The following MCF2L variants were observed in gnomAD, a reference collection of about 807,000 sequenced individuals.
MCF2L encodes the protein guanine nucleotide exchange factor DBS.
Under a neutral mutation model 153.4 loss-of-function variants are expected in MCF2L, and 97 were observed. That is an observed-to-expected ratio of 0.63 (90% confidence interval 0.54 to 0.75). The LOEUF (loss-of-function observed/expected upper bound fraction) is 0.75, where lower values mean the gene tolerates loss of function less well. MCF2L is among the 30% of genes least tolerant of loss of function. MCF2L has a pLI of 0.00. For synonymous variants in MCF2L, 659 were observed against 632.2 expected, an observed-to-expected ratio of 1.04 and a Z score of -0.64; for missense variants, 1,347 against 1,495.2, an observed-to-expected ratio of 0.90 and a Z score of 1.64.
At position 113,098,587 on chromosome 13, in the gene MCF2L, A is replaced by G. The variant is rs2181541; in HGVS notation, c.*1728A>G. ...CTGTCAAGACACAGAACGTCTCAGC[A>G]GTCGGGGTTTCCAGGGCCGCAGTGC... On this transcript the variant is annotated 3_prime_UTR_variant, in exon 30 of 30. Coordinates refer to ENST00000535094, the MANE Select transcript of MCF2L (RefSeq NM_001112732.3). The G allele has an allele frequency of 0.99, 151,161 of 152,420 alleles. 74,974 individuals carry two copies. Among genetic ancestry groups the G allele is most frequent in the East Asian group, 1 (5,194 of 5,194 alleles). The allele number at this position is 152,420 out of a possible 1,614,324, so 9.4% of individuals were successfully genotyped here. A position where few individuals can be genotyped will look rare whatever the true frequency, so the allele number is the denominator to read the frequency against.
intron 2 of MCF2L, chr13:112,910,572 T>C (rs1024059701): frequency 6.6e-6 from 1 of 152,266 alleles, no homozygotes; most frequent in African/African-American, 2.4e-5. Context: ...TGTGCAGTTT[T>C]GTAAAAGACT....
At chr13:112,954,273 C>T (rs1407354108) in intron 2 of MCF2L, among the ~76,000 whole-genome samples, 1 of 152,140 alleles carries the variant, frequency 6.6e-6, no homozygotes, top group Non-Finnish European at 1.5e-5. Context: ...CTGTCCTGGG[C>T]TTTCTCAGCT....
chr13:112,999,054 C>A (rs1044957574), intron 1 of MCF2L, among the ~76,000 whole-genome samples: 3 of 152,350 alleles, frequency 2.0e-5, no homozygotes, highest in Non-Finnish European at 4.4e-5. Flanking sequence ...GTTCCGGCCT[C>A]TGATGGGCAT....
At chr13:113,050,881 G>C (rs1001861524) in intron 4 of MCF2L, among the ~76,000 whole-genome samples, 5 of 152,002 alleles carry the variant, frequency 3.3e-5, no homozygotes, top group Admixed American at 6.5e-5. Flanking sequence ...CCAGATGGAG[G>C]GGGGCGAGGA....
At chr13:112,906,375 TG>T (rs1374237912) in intron 2 of MCF2L, among the ~76,000 whole-genome samples, 1 of 152,304 alleles carries the variant, frequency 6.6e-6, no homozygotes, top group African/African-American at 2.4e-5. Flanking sequence ...TGCAGGTGAA[TG>T]GGGAAGGCGT....
chr13:112,905,511 T>C (rs1293190993), intron 2 of MCF2L, among the ~76,000 whole-genome samples: 1 of 152,202 alleles, frequency 6.6e-6, no homozygotes, highest in East Asian at 1.9e-4. Flanking sequence ...GCTTTGAGCA[T>C]AAAGGACAAA....
At chr13:112,963,478 G>T (rs2081857190) in intron 2 of MCF2L, among the ~76,000 whole-genome samples, 1 of 152,142 alleles carries the variant, frequency 6.6e-6, no homozygotes. Context: ...ACTGGGATAG[G>T]CACCAGGTGG....
intron 1 of MCF2L, chr13:113,001,899 GCA>G: frequency 6.3e-7 from 1 of 1,589,302 alleles, no homozygotes; most frequent in Non-Finnish European, 8.5e-7. Context: ...CTCCTGACTC[GCA>G]CTGGGCAGCA....
At chr13:113,014,001 G>A (rs866467005) in intron 1 of MCF2L, among the ~76,000 whole-genome samples, 11 of 147,222 alleles carry the variant, frequency 7.5e-5, no homozygotes, top group South Asian at 2.2e-4. Flanking sequence ...TGCTGGCCCC[G>A]TGCTCCTGGC....
At position 113,099,453 on chromosome 13, in the gene MCF2L, G is replaced by A. The variant is rs927511506; in HGVS notation, c.*2594G>A. 3.9e-5 allele frequency: 6 copies of A among 152,220 alleles called. No homozygotes were observed. Among genetic ancestry groups the A allele is most frequent in the Admixed American group, 1.3e-4 (2 of 15,288 alleles). 9.4% of individuals were successfully genotyped at this position (152,220 alleles called of 1,614,324 possible). ...AACTGGACAGCGTGCACAGAGCCAC[G>A]GGAGGGAGCAGCCACGGCCAGCTCA... On this transcript the variant is annotated 3_prime_UTR_variant, in exon 30 of 30. Coordinates refer to ENST00000535094, the MANE Select transcript of MCF2L (RefSeq NM_001112732.3).
intron 2 of MCF2L, among the ~76,000 whole-genome samples, chr13:112,944,679 G>A (rs2081618163): frequency 6.6e-6 from 1 of 152,000 alleles, no homozygotes; most frequent in Admixed American, 6.6e-5. Flanking sequence ...GTAGAGATGG[G>A]GTTTCACTGT....
At chr13:113,073,877 T>C (rs537524283) in intron 9 of MCF2L, among the ~76,000 whole-genome samples, 15 of 151,742 alleles carry the variant, frequency 9.9e-5, no homozygotes, top group Non-Finnish European at 1.6e-4. Context: ...ATCACGCCAC[T>C]GCACTCCAGC....
chr13:112,909,043 G>GCTGCTCT (rs1325377114), intron 2 of MCF2L, among the ~76,000 whole-genome samples: 8 of 152,194 alleles, frequency 5.3e-5, no homozygotes, highest in African/African-American at 1.9e-4. Context: ...GTTTATCCAT[G>GCTGCTCT]CTGCTCTCGG....
At chr13:113,066,353 C>T (rs1477455576) in intron 8 of MCF2L, among the ~76,000 whole-genome samples, 183 bp downstream of exon 8, 1 of 152,238 alleles carries the variant, frequency 6.6e-6, no homozygotes, top group Non-Finnish European at 1.5e-5. Context: ...CCTGGCTCCT[C>T]CTGCTGAAAT....
At chr13:113,076,180 A>T in intron 12 of MCF2L, 23 bp downstream of exon 12, 1 of 1,593,294 alleles carries the variant, frequency 6.3e-7, no homozygotes, top group South Asian at 1.1e-5. Context: ...CGGGCTCTCC[A>T]TTTGCAGCTT....
chr13:112,962,393 C>T (rs749749514), intron 2 of MCF2L, among the ~76,000 whole-genome samples: 3 of 152,206 alleles, frequency 2.0e-5, no homozygotes, highest in African/African-American at 4.8e-5. Context: ...GCTGTCTCCT[C>T]GGAGGCCTGC....
At chr13:112,964,335 C>G (rs921103470), upstream of MCF2L, among the ~76,000 whole-genome samples, 1 of 152,188 alleles carries the variant, frequency 6.6e-6, no homozygotes, top group Non-Finnish European at 1.5e-5. Flanking sequence ...GTTTTTTAAC[C>G]AAACAAACCC....
At chr13:113,034,970 C>T (rs990517560) in intron 3 of MCF2L, among the ~76,000 whole-genome samples, 5 of 152,170 alleles carry the variant, frequency 3.3e-5, no homozygotes, top group South Asian at 2.1e-4. Flanking sequence ...TCAGGGTGAG[C>T]GCCCTGATAG....
At chr13:112,985,557 C>T (rs997334066) in intron 1 of MCF2L, 11 of 442,810 alleles carry the variant, frequency 2.5e-5, no homozygotes, top group African/African-American at 1.2e-4. Context: ...GGTGAGGCAG[C>T]ATGGAGGTGC....
Sources: allele counts gnomAD v4.1 joint callset (sites outside exome capture counted in the v4.1 genomes callset), GRCh38; gene constraint gnomAD v4.1.1; transcripts MANE v1.5; gene names NCBI Gene and HGNC (gene_info 2026-07-23, HGNC 2026-07-21).